The following FAM219A variants were observed in gnomAD, a reference collection of about 807,000 sequenced individuals.
The protein encoded by FAM219A is family with sequence similarity 219 member A.
Under a neutral mutation model 23.4 loss-of-function variants are expected in FAM219A, and 7 were observed. The ratio of observed to expected loss-of-function variants is 0.30; its 90% confidence interval spans 0.17 to 0.56. FAM219A has a LOEUF of 0.56. Among genes scored for constraint, FAM219A ranks in the 20% least tolerant of loss-of-function variants. The pLI is 0.92. For missense variants in FAM219A, 166 were observed against 246.9 expected (o/e 0.67, Z 2.20); for synonymous variants, 93 against 99.0 (o/e 0.94, Z 0.36).
intron 1 of FAM219A, among the ~76,000 whole-genome samples, chr9:34,440,107 C>T (rs1465010009): frequency 6.6e-6 from 1 of 152,170 alleles, no homozygotes; most frequent in African/African-American, 2.4e-5. Context: ...GTATCCAAGG[C>T]TGTGAGGCTC....
chr9:34,438,346 A>ACTGGCAGGCAGCTCCACCTGCAGCAC (rs1823008917), intron 1 of FAM219A, among the ~76,000 whole-genome samples: 2 of 152,216 alleles, frequency 1.3e-5, no homozygotes, highest in South Asian at 4.1e-4. Context: ...TGGCACCGGG[A>ACTGGCAGGCAGCTCCACCTGCAGCAC]CTGGCAGGCA....
chr9:34,398,332 C>T lies in FAM219A; in HGVS notation c.*2632G>A, dbSNP rs3750393. 12 of 1,550,762 alleles carry T rather than the reference C, an allele frequency of 7.7e-6. No individual in the cohort carries two copies. Among genetic ancestry groups the T allele is most frequent in the South Asian group, 2.4e-5 (2 of 84,054 alleles). The stretch of plus-strand genomic sequence containing the variant: ...CTTCCTGGAAATAAATTAGTGAGCA[C>T]GGAGAAACCTGGCTGGGTGGCAGCC... On this transcript the variant is annotated 3_prime_UTR_variant, in exon 6 of 6. Coordinates refer to ENST00000651358, the MANE Select transcript of FAM219A (RefSeq NM_001184940.2).
intron 1 of FAM219A, among the ~76,000 whole-genome samples, chr9:34,443,547 C>T (rs1480464049): frequency 2.0e-5 from 3 of 152,230 alleles, no homozygotes; most frequent in Admixed American, 2.0e-4. Context: ...GCAACCCTTT[C>T]ATTATCATCA....
At chr9:34,410,586 G>A (rs7847241) in intron 1 of FAM219A, among the ~76,000 whole-genome samples, 1 of 152,128 alleles carries the variant, frequency 6.6e-6, no homozygotes, top group Non-Finnish European at 1.5e-5. Flanking sequence ...ATTCTCATAA[G>A]TACCCAGTAG....
chr9:34,400,950 A>G lies in FAM219A; in HGVS notation c.*14T>C, dbSNP rs1821400221. 1 of 1,518,560 alleles carries G rather than the reference A, an allele frequency of 6.6e-7. No homozygotes were observed. Among genetic ancestry groups the G allele is most frequent in the African/African-American group, 1.4e-5 (1 of 71,084 alleles). 94.1% of individuals were successfully genotyped at this position (1,518,560 alleles called of 1,614,324 possible). On this transcript the variant is annotated 3_prime_UTR_variant, in exon 6 of 6. Coordinates refer to ENST00000651358, the MANE Select transcript of FAM219A (RefSeq NM_001184940.2). ...TTGGCGGCCCCGCCCCGGCGACCGC[A>G]GTGGCCCCGCCCGCTACTGAATGTG...
At chr9:34,411,688 AAAAAAG>A (rs1407558949) in intron 1 of FAM219A, among the ~76,000 whole-genome samples, 7,134 of 147,696 alleles carry the variant, frequency 0.048, 305 homozygotes, top group African/African-American at 0.13. Context: ...AAAAAAAAAA[AAAAAAG>A]AAAGAAAGAA....
At chr9:34,442,241 A>C (rs982513103) in intron 1 of FAM219A, among the ~76,000 whole-genome samples, 1 of 152,240 alleles carries the variant, frequency 6.6e-6, no homozygotes, top group Non-Finnish European at 1.5e-5. Flanking sequence ...AGAATAGGAT[A>C]AAAAACAACA....
chr9:34,422,290 A>C (rs1352856498), intron 1 of FAM219A, among the ~76,000 whole-genome samples: 2 of 152,142 alleles, frequency 1.3e-5, no homozygotes, highest in Non-Finnish European at 2.9e-5. Flanking sequence ...ATTTCATTGA[A>C]TCCTCCCCAA....
intron 1 of FAM219A, among the ~76,000 whole-genome samples, chr9:34,437,509 G>A (rs1822966029): frequency 6.6e-6 from 1 of 152,120 alleles, no homozygotes; most frequent in Non-Finnish European, 1.5e-5. Flanking sequence ...AATTAACCAG[G>A]GCCTAGTGAC....
intron 1 of FAM219A, among the ~76,000 whole-genome samples, chr9:34,419,073 T>TCAAACAAA (rs34174911): frequency 9.1e-4 from 138 of 151,746 alleles, no homozygotes; most frequent in Non-Finnish European, 1.3e-3. Context: ...AGACTCTGTC[T>TCAAACAAA]CAAACAAACA....
At chr9:34,433,393 C>T (rs1280234095) in intron 1 of FAM219A, among the ~76,000 whole-genome samples, 6 of 152,262 alleles carry the variant, frequency 3.9e-5, no homozygotes, top group Admixed American at 6.5e-5. Flanking sequence ...AATTATCAGC[C>T]AACAACCTGC....
At chr9:34,432,961 T>C (rs1020278833) in intron 1 of FAM219A, among the ~76,000 whole-genome samples, 1 of 152,150 alleles carries the variant, frequency 6.6e-6, no homozygotes, top group African/African-American at 2.4e-5. Context: ...ACCTCCTGAA[T>C]TGCTGGGATT....
chr9:34,440,564 T>C lies in FAM219A; in HGVS notation c.60+17640A>G, dbSNP rs145647217. ...TTTTTTTCTTAATAAAAAAAAACAA[T>C]TTTTGGCCAGGCGTGGTGGCTCACG... On this transcript the variant is annotated intron_variant, in intron 1 of 5. Coordinates refer to ENST00000651358, the MANE Select transcript of FAM219A (RefSeq NM_001184940.2). Among the ~76,000 whole-genome samples, 14 of 151,884 alleles carry C rather than the reference T, an allele frequency of 9.2e-5. No homozygotes were observed. In the East Asian group the frequency reaches 2.7e-3, roughly 29 times the overall value.
chr9:34,432,581 T>C (rs1822756966), intron 1 of FAM219A, among the ~76,000 whole-genome samples: 1 of 152,234 alleles, frequency 6.6e-6, no homozygotes, highest in South Asian at 2.1e-4. Flanking sequence ...AGTGATTCTC[T>C]TTCCACATGT....
intron 5 of FAM219A, 143 bp from the exon 6 acceptor site, chr9:34,401,265 C>A: frequency 9.6e-7 from 1 of 1,043,238 alleles, no homozygotes; most frequent in South Asian, 1.6e-5. Context: ...TGTCTGTACC[C>A]CCAGGCCCCG....
rs996029702 is a variant in FAM219A at position 34,398,303 on chromosome 9, A to G, written c.*2661T>C. On this transcript the variant is annotated 3_prime_UTR_variant, in exon 6 of 6. Coordinates refer to ENST00000651358, the MANE Select transcript of FAM219A (RefSeq NM_001184940.2). Reference sequence around the variant, plus strand: ...ATTATACACGGCTCATGTCTTCCACACACCTTCCTGGAAATAAATTAGTGA... The same window carrying G: ...ATTATACACGGCTCATGTCTTCCACGCACCTTCCTGGAAATAAATTAGTGA... The G allele has an allele frequency of 6.4e-7, 1 of 1,550,854 alleles. No homozygotes were observed. Among genetic ancestry groups the G allele is most frequent in the East Asian group, 2.4e-5 (1 of 40,928 alleles).
chr9:34,450,033 C>T (rs932725967), intron 1 of FAM219A, among the ~76,000 whole-genome samples: 7 of 152,158 alleles, frequency 4.6e-5, no homozygotes, highest in East Asian at 1.9e-4. Context: ...GGAACTAGGT[C>T]GGGCGTGGTG....
chr9:34,439,507 G>A (rs1353906026), intron 1 of FAM219A, among the ~76,000 whole-genome samples: 4 of 152,074 alleles, frequency 2.6e-5, no homozygotes, highest in South Asian at 2.1e-4. Context: ...ACATACTTAC[G>A]TAAAATTATA....
At chr9:34,411,906 G>A (rs1051617278) in intron 1 of FAM219A, among the ~76,000 whole-genome samples, 15 of 152,118 alleles carry the variant, frequency 9.9e-5, no homozygotes. Flanking sequence ...AGTCTCAGAA[G>A]CATAAAACTA....
Sources: allele counts gnomAD v4.1 joint callset (sites outside exome capture counted in the v4.1 genomes callset), GRCh38; gene constraint gnomAD v4.1.1; transcripts MANE v1.5; gene names NCBI Gene and HGNC (gene_info 2026-07-23, HGNC 2026-07-21).